Variants in OSTN observed in about 807,000 individuals in gnomAD.
OSTN encodes osteocrin.
In OSTN, 9 loss-of-function variants were observed where a neutral mutation model predicts 12.0. The ratio of observed to expected loss-of-function variants is 0.75; its 90% CI spans 0.45 to 1.30. The LOEUF (loss-of-function observed/expected upper bound fraction) is 1.30. Among genes scored for constraint, OSTN ranks in the 50% most tolerant of loss-of-function variants. The pLI is 0.00. For missense variants in OSTN, 148 were observed against 152.3 expected (o/e 0.97, Z 0.15); for synonymous variants, 59 against 56.9 (o/e 1.04, Z -0.16).
intron 3 of OSTN, among the ~76,000 whole-genome samples, chr3:191,234,205 G>C (rs189796340): frequency 6.6e-6 from 1 of 152,114 alleles, no homozygotes; most frequent in Non-Finnish European, 1.5e-5. Flanking sequence ...TATTGGGTTA[G>C]GGTTCCAACA....
At chr3:191,223,999 G>GAA (rs909734785) in intron 3 of OSTN, among the ~76,000 whole-genome samples, 6 of 149,320 alleles carry the variant, frequency 4.0e-5, no homozygotes, top group Non-Finnish European at 7.4e-5. Context: ...AACGATACCA[G>GAA]AAAAAAAAAT....
At chr3:191,261,392 G>A (rs1434920262) in intron 4 of OSTN, among the ~76,000 whole-genome samples, 1 of 152,164 alleles carries the variant, frequency 6.6e-6, no homozygotes, top group Non-Finnish European at 1.5e-5. Context: ...ACAGGTTTTA[G>A]TGACAAGAGA....
chr3:191,211,469 A>C (rs1001236060), intron 1 of OSTN, among the ~76,000 whole-genome samples: 1 of 152,192 alleles, frequency 6.6e-6, no homozygotes, highest in African/African-American at 2.4e-5. Flanking sequence ...GAACTTTCAG[A>C]TACATGTTGC....
chr3:191,211,127 T>C (rs1714406822), intron 1 of OSTN, among the ~76,000 whole-genome samples: 1 of 152,220 alleles, frequency 6.6e-6, no homozygotes, highest in African/African-American at 2.4e-5. Flanking sequence ...TCTGCAGAGG[T>C]AATCATAATC....
At chr3:191,218,662 T>C in intron 2 of OSTN, 85 bp from the exon 3 acceptor site, 1 of 1,086,642 alleles carries the variant, frequency 9.2e-7, no homozygotes, top group Non-Finnish European at 1.3e-6. Context: ...GTATGTCAGC[T>C]AACAGTAGCA....
At chr3:191,251,493 C>A (rs2108552829) in intron 4 of OSTN, among the ~76,000 whole-genome samples, 1 of 152,212 alleles carries the variant, frequency 6.6e-6, no homozygotes, top group Admixed American at 6.5e-5. Flanking sequence ...TTTAGAGGCC[C>A]CAAAAGTATC....
intron 3 of OSTN, among the ~76,000 whole-genome samples, chr3:191,248,409 C>T (rs528872930): frequency 1.3e-5 from 2 of 152,068 alleles, no homozygotes; most frequent in South Asian, 2.1e-4. Context: ...AGAAAAGCCT[C>T]GAGGGCATTG....
At chr3:191,240,861 T>C (rs2108546812) in intron 3 of OSTN, among the ~76,000 whole-genome samples, 1 of 152,346 alleles carries the variant, frequency 6.6e-6, no homozygotes, top group East Asian at 1.9e-4. Flanking sequence ...GAATAAGTGA[T>C]CCAACAAAGT....
rs1226854871 is a variant in OSTN, at chr3:191,262,866, A to G, written c.*13A>G. ...ACAATCTCAACTTTCGTTTTTGCAG[A>G]TGCAACTTCCTTGGGTGAAATGTCA... On this transcript the variant is annotated splice_region_variant and 3_prime_UTR_variant, in exon 5 of 5. Coordinates refer to ENST00000682035, the MANE Select transcript of OSTN (RefSeq NM_198184.2). 1 of 702,270 alleles carries G rather than the reference A, an allele frequency of 1.4e-6. No individual in the cohort carries two copies. The highest frequency in any genetic ancestry group is 2.6e-6 in the Non-Finnish European group (1 of 384,520). 43.5% of individuals were successfully genotyped at this position (702,270 alleles called of 1,614,324 possible).
chr3:191,250,453 C>T lies in OSTN; in HGVS notation c.*12+320C>T, dbSNP rs192706194. 2.6e-3 allele frequency among the ~76,000 whole-genome samples: 390 copies of T among 152,220 alleles called. 2 individuals are homozygous for T. The highest frequency in any genetic ancestry group is 9.0e-3 in the African/African-American group (375 of 41,554). On this transcript the variant is annotated intron_variant, in intron 4 of 4. Transcript: ENST00000682035. ...TAAAGTTCTAGTCAATATATTAAAT[C>T]ACCTCCATAAATATATAAAAATCCT... is the stretch of plus-strand genomic sequence containing the variant.
At chr3:191,216,447 A>G (rs1271346705) in intron 2 of OSTN, among the ~76,000 whole-genome samples, 1 of 152,242 alleles carries the variant, frequency 6.6e-6, no homozygotes, top group Non-Finnish European at 1.5e-5. Context: ...TCTCCCCAGA[A>G]AATGGGTTTT....
chr3:191,204,039 C>T (rs1560111641), intron 1 of OSTN, among the ~76,000 whole-genome samples: 2 of 152,256 alleles, frequency 1.3e-5, no homozygotes, highest in South Asian at 2.1e-4. Context: ...AGGCACCTGC[C>T]GCCACGCCTG....
intron 2 of OSTN, chr3:191,213,177 G>C (rs1335017819): frequency 6.6e-6 from 1 of 151,924 alleles, no homozygotes; most frequent in African/African-American, 2.4e-5. Context: ...CCTATTTTTT[G>C]ACTCTTTTGT....
intron 2 of OSTN, among the ~76,000 whole-genome samples, chr3:191,216,530 T>C (rs1714617058): frequency 1.4e-5 from 2 of 146,972 alleles, no homozygotes; most frequent in East Asian, 1.9e-4. Flanking sequence ...ACATAACTTC[T>C]AATTTCAAGC....
chr3:191,219,720 T>C (rs1221329856), intron 3 of OSTN, among the ~76,000 whole-genome samples: 1 of 152,212 alleles, frequency 6.6e-6, no homozygotes, highest in African/African-American at 2.4e-5. Flanking sequence ...ACAAGTACCA[T>C]AGACAGGAAT....
chr3:191,252,916 G>A (rs1186106306), intron 4 of OSTN, among the ~76,000 whole-genome samples: 1 of 152,180 alleles, frequency 6.6e-6, no homozygotes, highest in African/African-American at 2.4e-5. Context: ...TAATACAGCT[G>A]AGAGGTTCAA....
intron 1 of OSTN, among the ~76,000 whole-genome samples, chr3:191,203,619 G>T (rs1560111520): frequency 6.6e-6 from 1 of 152,076 alleles, no homozygotes; most frequent in Admixed American, 6.6e-5. Flanking sequence ...TGCCTTCAGG[G>T]ACAGTCATTT....
rs1230309419 is a variant in OSTN at position 191,264,315 on chromosome 3, A to G, written c.*1462A>G. On this transcript the variant is annotated 3_prime_UTR_variant, in exon 5 of 5. Coordinates refer to ENST00000682035, the MANE Select transcript of OSTN (RefSeq NM_198184.2). ...TGAAGGACTAATTTTTCAGTTATCC[A>G]ATGTGCTTTTTAAAGATAAAGTTTA... 1 of 152,122 alleles carries G rather than the reference A, an allele frequency of 6.6e-6. No individual in the cohort carries two copies. The highest frequency in any genetic ancestry group is 1.5e-5 in the Non-Finnish European group (1 of 67,958). The allele number at this position is 152,122 out of a possible 1,614,324, so 9.4% of individuals were successfully genotyped here.
chr3:191,200,489 T>C (rs928813328), intron 1 of OSTN, among the ~76,000 whole-genome samples: 1 of 152,172 alleles, frequency 6.6e-6, no homozygotes, highest in Non-Finnish European at 1.5e-5. Flanking sequence ...GAACATTTGA[T>C]TAATAAAATT....
Sources: allele counts gnomAD v4.1 joint callset (sites outside exome capture counted in the v4.1 genomes callset), GRCh38; gene constraint gnomAD v4.1.1; transcripts MANE v1.5; gene names NCBI Gene and HGNC (gene_info 2026-07-23, HGNC 2026-07-21).